CLEC4A: variants seen among roughly 807,000 people sequenced by gnomAD.
CLEC4A encodes C-type lectin domain family 4 member A.
In CLEC4A, 27 loss-of-function variants were observed where a neutral mutation model predicts 32.7. That is an observed-to-expected ratio of 0.83 (90% CI 0.61 to 1.14). The LOEUF is 1.14. CLEC4A is among the 50% of genes most tolerant of loss of function. The pLI, the probability that CLEC4A is intolerant of heterozygous loss-of-function variation, is 0.00. For missense variants in CLEC4A, 253 were observed against 274.6 expected, an observed-to-expected ratio of 0.92 and a Z score of 0.55; for synonymous variants, 89 against 93.7, an observed-to-expected ratio of 0.95 and a Z score of 0.29.
chr12:8,109,888 G>A, the CLEC4A span, among the ~76,000 whole-genome samples: 2 of 152,128 alleles, frequency 1.3e-5, no homozygotes, highest in Non-Finnish European at 2.9e-5. Context: ...TGTCTTAGAA[G>A]TGAGGTAGAT....
intron 1 of CLEC4A, among the ~76,000 whole-genome samples, chr12:8,125,301 A>G (rs1378143800): frequency 6.6e-6 from 1 of 152,150 alleles, no homozygotes; most frequent in Non-Finnish European, 1.5e-5. Flanking sequence ...AAAGATATAT[A>G]CCAAAATATT....
At chr12:8,104,449 G>A in the CLEC4A span, among the ~76,000 whole-genome samples, 14 of 152,256 alleles carry the variant, frequency 9.2e-5, no homozygotes, top group South Asian at 2.1e-4. Context: ...CTGTGCATAC[G>A]AAAGCCTACG....
At chr12:8,125,536 A>G (rs1947885963) in intron 1 of CLEC4A, 25 bp from the exon 2 acceptor site, 1 of 1,389,342 alleles carries the variant, frequency 7.2e-7, no homozygotes, top group Non-Finnish European at 1.0e-6. Context: ...TATTACTGAT[A>G]AAACTAATTT....
At chr12:8,120,385 C>A (rs1294232351), upstream of CLEC4A, among the ~76,000 whole-genome samples, 1 of 152,104 alleles carries the variant, frequency 6.6e-6, no homozygotes, top group Non-Finnish European at 1.5e-5. Context: ...TACGGGCCCA[C>A]CATGAATAAC....
the CLEC4A span, among the ~76,000 whole-genome samples, chr12:8,115,485 A>G: frequency 6.6e-6 from 1 of 152,200 alleles, no homozygotes; most frequent in African/African-American, 2.4e-5. Flanking sequence ...CTTCAATGGC[A>G]TGAGGCTTAC....
At chr12:8,134,296 G>C in intron 3 of CLEC4A, 1 of 1,612,274 alleles carries the variant, frequency 6.2e-7, no homozygotes, top group Non-Finnish European at 8.5e-7. Flanking sequence ...GAGCCTCAAA[G>C]CGGCAGATGG....
In CLEC4A at chr12:8,136,155, G is replaced by C. The variant is rs750433785; in HGVS notation, c.450+419G>C. ...TAAAGAATCCCTGAAGTTATGAAAG[G>C]AAAATGACTGAATCTGCCAAAATTT... On this transcript the variant is annotated intron_variant, in intron 4 of 5. Transcript: ENST00000229332. 3.3e-5 allele frequency among the ~76,000 whole-genome samples: 5 copies of C among 152,272 alleles called. No homozygotes were observed. In the East Asian group the frequency reaches 7.7e-4, roughly 23 times the overall value.
chr12:8,109,976 T>G, the CLEC4A span, among the ~76,000 whole-genome samples: 80,579 of 151,948 alleles, frequency 0.53, 24,875 homozygotes, highest in Non-Finnish European at 0.7. Flanking sequence ...CAGGGAGACA[T>G]GCTTCTGAAA....
chr12:8,111,089 G>A, the CLEC4A span, among the ~76,000 whole-genome samples: 1 of 151,672 alleles, frequency 6.6e-6, no homozygotes, highest in Non-Finnish European at 1.5e-5. Context: ...TAGCCAGGAT[G>A]GTCTCTATCT....
At chr12:8,108,039 C>T in the CLEC4A span, among the ~76,000 whole-genome samples, 1 of 152,102 alleles carries the variant, frequency 6.6e-6, no homozygotes, top group Non-Finnish European at 1.5e-5. Context: ...ATAAATTTCC[C>T]TCTTAACAAC....
intron 3 of CLEC4A, among the ~76,000 whole-genome samples, chr12:8,132,508 C>T (rs1397356014): frequency 6.6e-6 from 1 of 151,988 alleles, no homozygotes; most frequent in Non-Finnish European, 1.5e-5. Flanking sequence ...TTGGAGAAAA[C>T]GATATGATTT....
At chr12:8,134,896 T>G in intron 3 of CLEC4A, 1 of 1,479,910 alleles carries the variant, frequency 6.8e-7, no homozygotes, top group Non-Finnish European at 9.0e-7. Context: ...TGGTTTTTCT[T>G]TATATCTTCT....
intron 3 of CLEC4A, chr12:8,134,950 T>C: frequency 8.6e-7 from 1 of 1,163,186 alleles, no homozygotes; most frequent in South Asian, 2.7e-5. Context: ...GTTTCAAGCA[T>C]GTCTGTATCT....
Position 8,138,603 on chromosome 12 carries a change from G to T in CLEC4A, c.*316G>T, listed in dbSNP as rs781468265. The T allele has an allele frequency of 3.1e-4, 53 of 173,150 alleles. No homozygotes were observed. Among genetic ancestry groups the T allele is most frequent in the African/African-American group, 1.2e-3 (50 of 41,530 alleles). 10.7% of individuals were successfully genotyped at this position (173,150 alleles called of 1,614,324 possible). On this transcript the variant is annotated 3_prime_UTR_variant, in exon 6 of 6. Coordinates refer to ENST00000229332, the MANE Select transcript of CLEC4A (RefSeq NM_016184.4). ...TACCAATAAAATTATATGATGTGGT[G>T]TCTCCTCCTGTCTGGTTTTCTCTTC...
At chr12:8,138,074 C>T in intron 5 of CLEC4A, 66 bp from the exon 6 acceptor site, 3 of 1,536,228 alleles carry the variant, frequency 2.0e-6, no homozygotes, top group Non-Finnish European at 2.6e-6. Context: ...CGCTCCTCAC[C>T]CCTGTCTCTA....
chr12:8,138,153 C>T lies in CLEC4A; in HGVS notation c.580C>T (p.Arg194Cys), dbSNP rs148815016. 62 of 1,613,888 alleles carry T rather than the reference C, an allele frequency of 3.8e-5. No homozygotes were observed. The East Asian group carries it at 6.5e-4, about 17-fold the overall frequency. The change falls in exon 6 of 6, where the codon CGT becomes TGT. Residue 194 changes from arginine to cysteine, a missense_variant. Physicochemically the swap from Arg to Cys is radical, Grantham distance 180. Coordinates refer to ENST00000229332, the MANE Select transcript of CLEC4A (RefSeq NM_016184.4). ...YNESSTFWHP[R>C]EPSDPNERCV... is the part of the protein sequence containing the mutation. ...TGTCGCTTTCAGATTCTGGCATCCA[C>T]GTGAGCCCAGTGATCCCAATGAGCG...
the CLEC4A span, among the ~76,000 whole-genome samples, chr12:8,117,714 C>T: frequency 2.6e-5 from 4 of 152,124 alleles, no homozygotes; most frequent in African/African-American, 9.7e-5. Context: ...TCTCAAGTTT[C>T]CTCTATTTCA....
At chr12:8,132,661 A>G (rs766971147) in intron 3 of CLEC4A, among the ~76,000 whole-genome samples, 1 of 152,226 alleles carries the variant, frequency 6.6e-6, no homozygotes, top group South Asian at 2.1e-4. Flanking sequence ...CTTGTAATTG[A>G]TGATGTTTAT....
At chr12:8,114,988 T>C in the CLEC4A span, among the ~76,000 whole-genome samples, 1 of 152,172 alleles carries the variant, frequency 6.6e-6, no homozygotes, top group Non-Finnish European at 1.5e-5. Flanking sequence ...CTGGCCTCCT[T>C]TGAATTCTCC....
Sources: allele counts gnomAD v4.1 joint callset (sites outside exome capture counted in the v4.1 genomes callset), GRCh38; gene constraint gnomAD v4.1.1; transcripts MANE v1.5; gene names NCBI Gene and HGNC (gene_info 2026-07-23, HGNC 2026-07-21).